Variants in SSH2 observed in about 807,000 individuals in gnomAD.
SSH2 encodes protein phosphatase Slingshot homolog 2.
Under a neutral mutation model 135.2 loss-of-function variants are expected in SSH2, and 37 were observed. The observed-to-expected ratio is 0.27, with a 90% CI of 0.21 to 0.36. The LOEUF (loss-of-function observed/expected upper bound fraction) is 0.36, where lower values mean the gene tolerates loss of function less well. Among genes scored for constraint, SSH2 ranks in the 10% least tolerant of loss-of-function variants. The pLI is 1.00. For missense variants in SSH2, 1,408 were observed against 1,765.3 expected (o/e 0.80, Z 3.63); for synonymous variants, 628 against 646.2 (o/e 0.97, Z 0.43).
chr17:29,897,020 G>GTA (rs1390939804), intron 1 of SSH2, among the ~76,000 whole-genome samples: 31 of 151,678 alleles, frequency 2.0e-4, no homozygotes, highest in Admixed American at 1.8e-3. Context: ...ATATGGGTGT[G>GTA]TATATATATA....
chr17:29,699,991 A>C (rs978045909), intron 4 of SSH2, among the ~76,000 whole-genome samples: 9 of 152,314 alleles, frequency 5.9e-5, no homozygotes, highest in African/African-American at 1.9e-4. Context: ...TTGTCCAAAC[A>C]AAATGGATTA....
intron 3 of SSH2, among the ~76,000 whole-genome samples, chr17:29,731,504 G>A (rs1567925537): frequency 6.6e-6 from 1 of 151,582 alleles, no homozygotes; most frequent in Non-Finnish European, 1.5e-5. Context: ...CGTCCAGGCT[G>A]GAGTGCAGTG....
At chr17:29,910,119 T>A (rs76407072) in intron 1 of SSH2, among the ~76,000 whole-genome samples, 2 of 152,164 alleles carry the variant, frequency 1.3e-5, no homozygotes, top group South Asian at 2.1e-4. Context: ...TTAATTTTTT[T>A]ATTTTTTGTA....
At chr17:29,833,633 TTC>T (rs1032171374) in intron 2 of SSH2, among the ~76,000 whole-genome samples, 7 of 151,592 alleles carry the variant, frequency 4.6e-5, no homozygotes, top group South Asian at 2.1e-4. Flanking sequence ...GTTATTTGTT[TTC>T]TGTTTTTTTT....
intron 14 of SSH2, chr17:29,645,653 C>T (rs774642547): frequency 1.2e-4 from 18 of 152,264 alleles, no homozygotes; most frequent in Admixed American, 5.9e-4. Context: ...TTGCTGAATG[C>T]TCAGATGCCT....
chr17:29,920,649 C>T (rs1313909439), intron 1 of SSH2, among the ~76,000 whole-genome samples: 1 of 152,022 alleles, frequency 6.6e-6, no homozygotes, highest in Non-Finnish European at 1.5e-5. Context: ...ATCCTTACTT[C>T]ACATCATGTA....
intron 1 of SSH2, among the ~76,000 whole-genome samples, chr17:29,913,347 A>T (rs867683340): frequency 0.013 from 384 of 28,762 alleles, 24 homozygotes; most frequent in South Asian, 0.023. Flanking sequence ...AAAAAAAAAA[A>T]ATATATATAT....
chr17:29,689,497 T>A (rs1186829036), intron 5 of SSH2, among the ~76,000 whole-genome samples: 1 of 152,222 alleles, frequency 6.6e-6, no homozygotes, highest in Non-Finnish European at 1.5e-5. Context: ...AAAAGGACAC[T>A]ACTGAAGTCC....
rs780981175 is a variant in SSH2 at position 29,709,015 on chromosome 17, T to TATAGAGAGAGAGAGAGAG, written c.189-5954_189-5953insCTCTCTCTCTCTCTCTAT. Among the ~76,000 whole-genome samples, 67 of 81,592 alleles carry TATAGAGAGAGAGAGAGAG rather than the reference T, an allele frequency of 8.2e-4. 1 individual carries two copies. The highest frequency in any genetic ancestry group is 1.3e-3 in the Non-Finnish European group (52 of 40,706). The allele number at this position is 81,592 out of a possible 152,430, so 53.5% of individuals were successfully genotyped here. A position where few individuals can be genotyped will look rare whatever the true frequency, so the allele number is the denominator to read the frequency against. On this transcript the variant is annotated intron_variant, in intron 3 of 15. Coordinates refer to ENST00000540801, the MANE Select transcript of SSH2 (RefSeq NM_001282129.2). ...AGAAATATATATATATATATATATA[T>TATAGAGAGAGAGAGAGAG]AGAGAGAGAGAGAGAGAGAGAGAGA... is the stretch of plus-strand genomic sequence containing the variant.
At chr17:29,696,497 G>A (rs940505779) in intron 4 of SSH2, among the ~76,000 whole-genome samples, 8 of 145,926 alleles carry the variant, frequency 5.5e-5, no homozygotes, top group Admixed American at 1.4e-4. Flanking sequence ...GCGACAGAGC[G>A]AGACTCCATC....
rs1454276307 is a variant in SSH2, at chr17:29,761,107, T to G, written c.188+32787A>C. On this transcript the variant is annotated intron_variant, in intron 3 of 15. Coordinates refer to ENST00000540801, the MANE Select transcript of SSH2 (RefSeq NM_001282129.2). The stretch of plus-strand genomic sequence containing the variant: ...GAAAGCGGCTGCTGAAAGAGCAAAC[T>G]TTCTGAGCGTTCGCGGAGGCGGAGG... 3 of 1,286,936 alleles carry G rather than the reference T, an allele frequency of 2.3e-6. No individual in the cohort carries two copies. The Admixed American group carries it at 6.9e-5, about 30-fold the overall frequency. 79.7% of individuals were successfully genotyped at this position (1,286,936 alleles called of 1,614,324 possible).
chr17:29,638,509 TACACACACACACACACAC>T (rs71138839), intron 14 of SSH2, among the ~76,000 whole-genome samples: 93 of 128,960 alleles, frequency 7.2e-4, no homozygotes, highest in East Asian at 2.2e-3. Context: ...TTCTATATTT[TACACACACACACACACAC>T]ACACACACAC....
At chr17:29,766,624 T>G (rs577103363) in intron 3 of SSH2, among the ~76,000 whole-genome samples, 5 of 152,342 alleles carry the variant, frequency 3.3e-5, no homozygotes, top group Non-Finnish European at 5.9e-5. Flanking sequence ...GCTCAATTTT[T>G]GTATTTTTAA....
At chr17:29,825,452 G>A (rs1451635829) in intron 2 of SSH2, among the ~76,000 whole-genome samples, 1 of 152,152 alleles carries the variant, frequency 6.6e-6, no homozygotes. Flanking sequence ...GCAGAAGTGG[G>A]AGAAAAGATG....
At chr17:29,914,988 A>G (rs1166293074) in intron 1 of SSH2, among the ~76,000 whole-genome samples, 1 of 152,224 alleles carries the variant, frequency 6.6e-6, no homozygotes, top group Non-Finnish European at 1.5e-5. Context: ...CAGTCAATAC[A>G]GTTTCCTTTA....
At chr17:29,848,589 G>A (rs766800365) in intron 2 of SSH2, among the ~76,000 whole-genome samples, 3 of 152,110 alleles carry the variant, frequency 2.0e-5, no homozygotes, top group African/African-American at 7.2e-5. Context: ...CTCACTCAAG[G>A]TTCCAAGATG....
At chr17:29,695,094 C>T (rs2038672620) in intron 5 of SSH2, among the ~76,000 whole-genome samples, 1 of 152,134 alleles carries the variant, frequency 6.6e-6, no homozygotes, top group Non-Finnish European at 1.5e-5. Flanking sequence ...CCTTGTCCTT[C>T]CCTATGTGTG....
chr17:29,707,528 ATT>A (rs773812846), intron 3 of SSH2, among the ~76,000 whole-genome samples: 10 of 143,970 alleles, frequency 6.9e-5, no homozygotes, highest in Non-Finnish European at 3.1e-5. Context: ...ACAGACTACT[ATT>A]TTTTTTTTTT....
At chr17:29,725,643 C>A (rs2039979031) in intron 3 of SSH2, among the ~76,000 whole-genome samples, 1 of 152,178 alleles carries the variant, frequency 6.6e-6, no homozygotes, top group Non-Finnish European at 1.5e-5. Context: ...CAAACTAACA[C>A]AGGAACAGAA....
Sources: gnomAD v4.1 joint callset for allele counts (sites outside exome capture counted in the v4.1 genomes callset) on GRCh38, gnomAD v4.1.1 for gene constraint, MANE v1.5 for transcripts, NCBI Gene and HGNC (gene_info 2026-07-23, HGNC 2026-07-21) for gene names.